Variants in SPIRE1 observed in about 807,000 individuals in gnomAD.
SPIRE1 encodes protein spire homolog 1.
In SPIRE1, 40 loss-of-function variants were observed where a neutral mutation model predicts 94.1. The observed-to-expected ratio is 0.43, with a 90% CI of 0.33 to 0.55. The LOEUF is 0.55. SPIRE1 is among the 20% of genes least tolerant of loss of function. The pLI is 0.06. For synonymous variants in SPIRE1, 376 were observed against 371.7 expected (o/e 1.01, Z -0.13); for missense variants, 838 against 975.2 (o/e 0.86, Z 1.87).
chr18:12,500,842 G>A (rs958724281), intron 6 of SPIRE1, among the ~76,000 whole-genome samples: 1 of 152,098 alleles, frequency 6.6e-6, no homozygotes, highest in East Asian at 1.9e-4. Context: ...GGAGGCCAAG[G>A]AGGGCAGATC....
At chr18:12,630,348 T>C (rs1415858165) in intron 2 of SPIRE1, among the ~76,000 whole-genome samples, 2 of 152,168 alleles carry the variant, frequency 1.3e-5, no homozygotes, top group East Asian at 1.9e-4. Context: ...AAGCTAGGCT[T>C]GATGCTGAAT....
intron 9 of SPIRE1, among the ~76,000 whole-genome samples, chr18:12,481,593 G>A (rs1266226527): frequency 2.0e-5 from 3 of 152,046 alleles, no homozygotes; most frequent in Non-Finnish European, 4.4e-5. Context: ...AAGAACAGCT[G>A]TCCATTAATT....
rs889662412 is a variant in SPIRE1, at chr18:12,452,960, CATTTCTAATTTT to C, written c.1847+96_1847+107del. On this transcript the variant is annotated intron_variant, in intron 14 of 16. Transcript: ENST00000409402. The stretch of plus-strand genomic sequence containing the variant: ...CACAAGGTAACGTAACAGAGTGAGT[CATTTCTAATTTT>C]ATTCCTGTTTAGAAAGATGGTGAAA... 250 of 713,158 alleles carry C rather than the reference CATTTCTAATTTT, an allele frequency of 3.5e-4. 1 individual carries two copies. Among genetic ancestry groups the C allele is most frequent in the South Asian group, 1.7e-3 (80 of 46,228 alleles). The allele number at this position is 713,158 out of a possible 1,614,324, so 44.2% of individuals were successfully genotyped here.
intron 9 of SPIRE1, among the ~76,000 whole-genome samples, chr18:12,482,715 G>C (rs918957335): frequency 1.3e-5 from 2 of 152,092 alleles, no homozygotes; most frequent in Admixed American, 1.3e-4. Flanking sequence ...TTGAGAAATT[G>C]TCCAATAGCT....
At chr18:12,476,045 T>C (rs923240495) in intron 10 of SPIRE1, among the ~76,000 whole-genome samples, 4 of 152,226 alleles carry the variant, frequency 2.6e-5, no homozygotes, top group African/African-American at 4.8e-5. Context: ...CTTTAACCAG[T>C]TGATGATCTG....
intron 2 of SPIRE1, among the ~76,000 whole-genome samples, chr18:12,557,157 C>A (rs1311913138): frequency 6.6e-5 from 10 of 152,228 alleles, no homozygotes; most frequent in African/African-American, 2.4e-4. Flanking sequence ...CACTCCTCAG[C>A]CCTTGGGCAG....
rs945064040 is a variant in SPIRE1, at chr18:12,657,957, A to G, written c.-91T>C. On this transcript the variant is annotated 5_prime_UTR_variant, in exon 1 of 17. An upstream start codon of the reference 5' UTR is lost. Transcript: ENST00000409402. The stretch of plus-strand genomic sequence containing the variant: ...CGTCGTCGCGCGCCGCCGCCTCACC[A>G]TCCCCGGAACCGCCGCCGCCCAACG... 1.0e-6 allele frequency: 1 copy of G among 999,522 alleles called. No homozygotes were observed. The highest frequency in any genetic ancestry group is 6.0e-5 in the Admixed American group (1 of 16,592). The allele number at this position is 999,522 out of a possible 1,614,324, so 61.9% of individuals were successfully genotyped here.
intron 2 of SPIRE1, among the ~76,000 whole-genome samples, chr18:12,626,887 T>TATATATATATA (rs1555634099): frequency 3.1e-3 from 164 of 53,506 alleles, no homozygotes; most frequent in African/African-American, 6.8e-3. Flanking sequence ...TATATATATA[T>TATATATATATA]TTTTTTTTTT....
intron 4 of SPIRE1, among the ~76,000 whole-genome samples, chr18:12,534,215 T>C (rs17525206): frequency 0.048 from 7,325 of 152,214 alleles, 259 homozygotes; most frequent in Admixed American, 0.083. Context: ...GAGACATCCA[T>C]CACCTACTTA....
In SPIRE1 at chr18:12,451,026, G is replaced by GGGAGGA. The variant is rs532972302; in HGVS notation, c.2013-1136_2013-1131dup. The GGGAGGA allele has an allele frequency of 2.6e-5, 14 of 528,400 alleles. No homozygotes were observed. The East Asian group carries it at 4.7e-4, about 18-fold the overall frequency. The allele number at this position is 528,400 out of a possible 1,614,324, so 32.7% of individuals were successfully genotyped here. On this transcript the variant is annotated intron_variant, in intron 16 of 16. Transcript: ENST00000409402. The stretch of plus-strand genomic sequence containing the variant: ...GAACAAGATGAAAAGGAAGAAGGAG[G>GGGAGGA]GGAGGAGGAGGAGGAGGAGGAGGAT...
intron 8 of SPIRE1, among the ~76,000 whole-genome samples, chr18:12,489,571 C>G (rs190754067): frequency 6.6e-6 from 1 of 152,156 alleles, no homozygotes; most frequent in East Asian, 1.9e-4. Flanking sequence ...AACAAATGAT[C>G]AGAGACATGA....
intron 2 of SPIRE1, among the ~76,000 whole-genome samples, chr18:12,593,444 T>A (rs2144598859): frequency 6.6e-6 from 1 of 152,350 alleles, no homozygotes; most frequent in South Asian, 2.1e-4. Context: ...GTTATTATGC[T>A]TATCTGATAA....
intron 2 of SPIRE1, among the ~76,000 whole-genome samples, chr18:12,562,281 ATTTGT>A (rs1388218774): frequency 6.6e-6 from 1 of 151,848 alleles, no homozygotes; most frequent in Non-Finnish European, 1.5e-5. Flanking sequence ...ATAATAATGT[ATTTGT>A]TTTGTTTTCT....
intron 2 of SPIRE1, among the ~76,000 whole-genome samples, chr18:12,622,251 G>T (rs2037492272): frequency 2.0e-5 from 3 of 152,134 alleles, no homozygotes; most frequent in Middle Eastern, 3.4e-3. Flanking sequence ...TGTATAAACT[G>T]ATGAAATAAT....
intron 2 of SPIRE1, among the ~76,000 whole-genome samples, chr18:12,623,152 A>T (rs1193079907): frequency 7.8e-6 from 1 of 127,602 alleles, no homozygotes; most frequent in Non-Finnish European, 1.8e-5. Flanking sequence ...TTTTACAACA[A>T]ATATACATTT....
rs751621843 is a variant in SPIRE1, at chr18:12,535,569, A to T, written c.636T>A (p.Asp212Glu). The T allele has an allele frequency of 4.3e-6, 7 of 1,613,272 alleles. No homozygotes were observed. In the East Asian group the frequency reaches 6.7e-5, roughly 15 times the overall value. ...ATACTGCCTGATAATGATTTGGTGC[A>T]TCTGATTCAGTAGGGAGATGAGCAG... ...LCAAHLPTES[D>E]APNHYQAVCR... Residue 212 changes from aspartate (D) to glutamate (E), a missense_variant, in exon 4 of 17, where the codon GAT (aspartate) becomes GAA (glutamate). Asp to Glu is a conservative substitution (Grantham distance 45, BLOSUM62 2). This residue lies in a region of SPIRE1 where 645 missense variants were observed against 804.7 expected (regional missense o/e 0.80). Transcript: ENST00000409402.
intron 1 of SPIRE1, among the ~76,000 whole-genome samples, chr18:12,647,438 C>CT (rs2038256371): frequency 6.6e-6 from 1 of 152,068 alleles, no homozygotes; most frequent in African/African-American, 2.4e-5. Context: ...AAAATAAACT[C>CT]TTTAACATTT....
intron 7 of SPIRE1, among the ~76,000 whole-genome samples, chr18:12,494,479 A>C (rs955946900): frequency 1.3e-5 from 2 of 152,020 alleles, no homozygotes; most frequent in African/African-American, 4.8e-5. Context: ...ACTGTGTCTC[A>C]GAAACAAAAA....
At chr18:12,579,187 A>T (rs2036191434) in intron 2 of SPIRE1, among the ~76,000 whole-genome samples, 1 of 53,212 alleles carries the variant, frequency 1.9e-5, no homozygotes, top group Admixed American at 2.2e-4. Context: ...GAAAAAGTTT[A>T]CACACACACA....
Sources: gnomAD v4.1 joint callset for allele counts (sites outside exome capture counted in the v4.1 genomes callset) on GRCh38, gnomAD v4.1.1 for gene constraint, gnomAD v4.1.1 regional missense constraint, MANE v1.5 for transcripts, NCBI Gene and HGNC (gene_info 2026-07-23, HGNC 2026-07-21) for gene names.